Variants in SPART observed in about 807,000 individuals in gnomAD.
SPART encodes spartin.
A neutral mutation model predicts 58.7 loss-of-function variants in SPART; 35 were observed. The observed-to-expected ratio is 0.60, with a 90% CI of 0.46 to 0.79. SPART has a LOEUF of 0.79. Among genes scored for constraint, SPART ranks in the 30% least tolerant of loss-of-function variants. The probability of loss-of-function intolerance (pLI) is 0.00; values close to 1 mark genes in which losing one functional copy is unlikely to be tolerated. For synonymous variants in SPART, 284 were observed against 280.7 expected (o/e 1.01, Z -0.12); for missense variants, 730 against 786.1 (o/e 0.93, Z 0.85).
intron 1 of SPART, among the ~76,000 whole-genome samples, chr13:36,343,076 C>T (rs1179988833): frequency 6.6e-6 from 1 of 152,164 alleles, no homozygotes; most frequent in Non-Finnish European, 1.5e-5. Flanking sequence ...TCCATTAGGA[C>T]ACAGATTTCC....
In SPART at chr13:36,335,823, T is replaced by C; in HGVS notation, c.8A>G (p.Gln3Arg). 5 of 1,611,896 alleles carry C rather than the reference T, an allele frequency of 3.1e-6. No individual in the cohort carries two copies. Among genetic ancestry groups the C allele is most frequent in the Non-Finnish European group, 4.2e-6 (5 of 1,179,956 alleles). The part of the protein sequence containing the change: ME[Q>R]EPQNGEPAEI... ...AGCAGGTTCTCCATTTTGTGGCTCT[T>C]GCTCCATTTCTGCAAAATTGGAGAC... The change falls in exon 2 of 9, where the codon CAA becomes CGA. Residue 3 changes from glutamine to arginine, a missense_variant. Physicochemically the swap from Gln to Arg is conservative, Grantham distance 43. Transcript: ENST00000438666.
chr13:36,368,300 A>G (rs955942805), intron 1 of SPART: 3 of 353,008 alleles, frequency 8.5e-6, no homozygotes, highest in African/African-American at 6.5e-5. Flanking sequence ...AATGAACACA[A>G]ACAAATCTGG....
intron 1 of SPART, chr13:36,369,540 T>C (rs1321543069): frequency 6.6e-6 from 1 of 152,188 alleles, no homozygotes; most frequent in Non-Finnish European, 1.5e-5. Flanking sequence ...GCCAACGTAC[T>C]TTCCCCCAAG....
intron 1 of SPART, among the ~76,000 whole-genome samples, chr13:36,356,411 A>C (rs965538726): frequency 6.6e-6 from 1 of 152,128 alleles, no homozygotes; most frequent in Non-Finnish European, 1.5e-5. Flanking sequence ...CATGATAAAC[A>C]TTTTACAACC....
chr13:36,344,959 A>G (rs1884933213), intron 1 of SPART, among the ~76,000 whole-genome samples: 1 of 152,248 alleles, frequency 6.6e-6, no homozygotes, highest in South Asian at 2.1e-4. Context: ...ATGTCTGTGT[A>G]TGTCTTAAAA....
intron 8 of SPART, among the ~76,000 whole-genome samples, chr13:36,311,430 A>T (rs1410220877): frequency 6.6e-6 from 1 of 152,216 alleles, no homozygotes; most frequent in Non-Finnish European, 1.5e-5. Flanking sequence ...AATCAGAGTC[A>T]AGTAAGATGT....
chr13:36,350,048 C>T (rs535639439), upstream of SPART, among the ~76,000 whole-genome samples: 3 of 152,200 alleles, frequency 2.0e-5, no homozygotes, highest in South Asian at 2.1e-4. Flanking sequence ...AAAATAATTG[C>T]GTATATTTGG....
intron 8 of SPART, among the ~76,000 whole-genome samples, chr13:36,309,775 AC>A (rs1341069327): frequency 6.6e-6 from 1 of 152,200 alleles, no homozygotes; most frequent in East Asian, 1.9e-4. Context: ...TCTATTGGGT[AC>A]TATGCTTACT....
intron 1 of SPART, chr13:36,345,772 G>T (rs894814477): frequency 2.0e-5 from 3 of 152,150 alleles, no homozygotes; most frequent in African/African-American, 7.2e-5. Flanking sequence ...GTTGTTCGTG[G>T]GCCTTCTTGC....
chr13:36,335,869 G>A (rs1883963604), intron 1 of SPART, 37 bp from the exon 2 acceptor site: 2 of 1,516,794 alleles, frequency 1.3e-6, no homozygotes, highest in South Asian at 2.2e-5. Flanking sequence ...ATCTTGCTTA[G>A]CTATTGTTTA....
At chr13:36,319,191 C>G (rs2137389810) in intron 5 of SPART, among the ~76,000 whole-genome samples, 1 of 143,362 alleles carries the variant, frequency 7.0e-6, no homozygotes, top group East Asian at 2.5e-4. Context: ...CCCCACCTGC[C>G]CAGTTCCCTT....
upstream of SPART, chr13:36,346,891 C>G (rs1299091298): frequency 2.6e-5 from 4 of 152,162 alleles, no homozygotes; most frequent in African/African-American, 9.7e-5. Flanking sequence ...GCTGATTATC[C>G]CCTCAATGTC....
intron 2 of SPART, among the ~76,000 whole-genome samples, chr13:36,333,206 G>A (rs1210841188): frequency 1.3e-5 from 2 of 151,780 alleles, no homozygotes; most frequent in African/African-American, 4.8e-5. Flanking sequence ...CATTTTCAGA[G>A]GGCAATCTCA....
chr13:36,366,841 T>C (rs1408975110), intron 1 of SPART, among the ~76,000 whole-genome samples: 1 of 152,070 alleles, frequency 6.6e-6, no homozygotes, highest in Non-Finnish European at 1.5e-5. Context: ...GTTCCTCCAC[T>C]CATCAGAGCC....
intron 5 of SPART, among the ~76,000 whole-genome samples, chr13:36,314,703 C>CTA (rs1350966478): frequency 6.6e-6 from 1 of 152,144 alleles, no homozygotes; most frequent in Non-Finnish European, 1.5e-5. Context: ...AACAGTATCT[C>CTA]TATATGTTAC....
upstream of SPART, among the ~76,000 whole-genome samples, chr13:36,348,414 T>C (rs1389397886): frequency 6.6e-6 from 1 of 152,238 alleles, no homozygotes; most frequent in African/African-American, 2.4e-5. Flanking sequence ...TGAATGTGTT[T>C]AAAACATGTA....
At chr13:36,338,571 A>C (rs9547344) in intron 1 of SPART, among the ~76,000 whole-genome samples, 39,803 of 152,124 alleles carry the variant, frequency 0.26, 5,555 homozygotes, top group East Asian at 0.51. Flanking sequence ...ACACCAAGCA[A>C]TCAGGACGCT....
chr13:36,331,256 T>C (rs1883430493), intron 3 of SPART, 143 bp downstream of exon 3: 11 of 763,578 alleles, frequency 1.4e-5, no homozygotes, highest in Non-Finnish European at 2.3e-5. Context: ...ATTCCAAGCA[T>C]GTAGTTGTGA....
At chr13:36,363,891 A>C (rs1477183718) in intron 1 of SPART, among the ~76,000 whole-genome samples, 1 of 152,198 alleles carries the variant, frequency 6.6e-6, no homozygotes, top group East Asian at 1.9e-4. Flanking sequence ...CACCTTACAT[A>C]ACCATAGTAC....
Sources: allele counts gnomAD v4.1 joint callset (sites outside exome capture counted in the v4.1 genomes callset), GRCh38; gene constraint gnomAD v4.1.1; transcripts MANE v1.5; gene names NCBI Gene and HGNC (gene_info 2026-07-23, HGNC 2026-07-21).